Variants in CDH23 observed in about 807,000 individuals in gnomAD.
CDH23 encodes cadherin-23.
Under a neutral mutation model 317.1 loss-of-function variants are expected in CDH23, and 189 were observed. That is an observed-to-expected ratio of 0.60 (90% CI 0.53 to 0.67). The LOEUF (loss-of-function observed/expected upper bound fraction) is 0.67. Ranked by LOEUF, CDH23 falls within the 30% of genes least tolerant of loss-of-function variation. The pLI is 0.00. For missense variants in CDH23, 4,401 were observed against 4,592.4 expected, an observed-to-expected ratio of 0.96 and a Z score of 1.20; for synonymous variants, 1,839 against 1,876.8, an observed-to-expected ratio of 0.98 and a Z score of 0.52.
chr10:71,804,902 T>A (rs1841665896), intron 55 of CDH23, among the ~76,000 whole-genome samples: 1 of 152,232 alleles, frequency 6.6e-6, no homozygotes, highest in East Asian at 1.9e-4. Context: ...TAGTCCTTTT[T>A]CACACCAAAA....
At chr10:71,662,329 G>A (rs1306284958) in intron 14 of CDH23, among the ~76,000 whole-genome samples, 1 of 152,160 alleles carries the variant, frequency 6.6e-6, no homozygotes, top group Non-Finnish European at 1.5e-5. Context: ...CAGGCACCAA[G>A]TCACCTTGGA....
Position 71,785,111 on chromosome 10 carries a change from G to A in CDH23, c.5712+11G>A, listed in dbSNP as rs1396030339. 1.9e-6 allele frequency: 3 copies of A among 1,607,784 alleles called. No individual in the cohort carries two copies. The South Asian group carries it at 3.3e-5, about 18-fold the overall frequency. ...TTCATCAATGCCACGGTAGGGCCTA[G>A]ACTGACCCCAGGGAGCTTCCCAGGG... On this transcript the variant is annotated intron_variant, in intron 43 of 69. Transcript: ENST00000224721.
At chr10:71,536,157 G>T (rs1011431093) in intron 6 of CDH23, among the ~76,000 whole-genome samples, 1 of 152,272 alleles carries the variant, frequency 6.6e-6, no homozygotes, top group Non-Finnish European at 1.5e-5. Flanking sequence ...GTGTCATGGG[G>T]ACAAGGAGGC....
chr10:71,647,237 C>T (rs1277616621), intron 14 of CDH23: 4 of 308,750 alleles, frequency 1.3e-5, no homozygotes, highest in African/African-American at 2.3e-5. Flanking sequence ...CCGAGGTGGG[C>T]GGATCACTTG....
In CDH23 at chr10:71,572,892, GCAT is replaced by G. The variant is rs1274834279; in HGVS notation, c.753+1978_753+1980del. Among the ~76,000 whole-genome samples, 6 of 152,262 alleles carry G rather than the reference GCAT, an allele frequency of 3.9e-5. No homozygotes were observed. In the East Asian group the frequency reaches 9.7e-4, roughly 25 times the overall value. ...CTCATCCTTCCTTTGGGTCTCCAGG[GCAT>G]CATGCCCAGAGCTAAGTGCAGGGAA... is the stretch of plus-strand genomic sequence containing the variant. On this transcript the variant is annotated intron_variant, in intron 8 of 69. Coordinates refer to ENST00000224721, the MANE Select transcript of CDH23 (RefSeq NM_022124.6).
chr10:71,423,003 C>T lies in CDH23; in HGVS notation c.-5-16824C>T, dbSNP rs1435012522. Among the ~76,000 whole-genome samples, 7 of 152,254 alleles carry T rather than the reference C, an allele frequency of 4.6e-5. No individual in the cohort carries two copies. In the South Asian group the frequency reaches 1.5e-3, roughly 32 times the overall value. ...GGCCTCCCTCTTTCCCTCTCTCTCC[C>T]CTTCCATTTATGTTTTTATATTTAT... On this transcript the variant is annotated intron_variant, in intron 1 of 69. Coordinates refer to ENST00000224721, the MANE Select transcript of CDH23 (RefSeq NM_022124.6).
At chr10:71,478,932 G>T (rs1432031145) in intron 3 of CDH23, among the ~76,000 whole-genome samples, 5 of 152,148 alleles carry the variant, frequency 3.3e-5, no homozygotes, top group Admixed American at 6.5e-5. Flanking sequence ...TGGTTTATTT[G>T]TCCTGTTATT....
chr10:71,769,857 G>A (rs898924938), intron 38 of CDH23, among the ~76,000 whole-genome samples: 5 of 152,248 alleles, frequency 3.3e-5, no homozygotes, highest in African/African-American at 1.2e-4. Context: ...GCCAGCCAAA[G>A]TGAATGGACC....
Position 71,690,507 on chromosome 10 carries a change from G to A in CDH23, c.2099G>A (p.Arg700His), listed in dbSNP as rs1229721319. ...VLFLNATDLDRSREYGQESII... is the reference protein window; with the variant it reads ...VLFLNATDLDHSREYGQESII... ...TTCCTGAATGCCACAGACCTGGACC[G>A]CTCCCGGGAGTACGGCCAGGAGTCC... The change falls in exon 20 of 70, where the codon CGC (arginine) becomes CAC (histidine). Residue 700 changes from arginine to histidine, a missense_variant. By Grantham distance (29) the Arg-to-His change is conservative. This residue lies in a region of CDH23 where 3,068 missense variants were observed against 3,203.3 expected (regional missense o/e 0.96). Coordinates refer to ENST00000224721, the MANE Select transcript of CDH23 (RefSeq NM_022124.6). 7.4e-6 allele frequency: 12 copies of A among 1,610,806 alleles called. No individual in the cohort carries two copies. The highest frequency in any genetic ancestry group is 4.4e-5 in the South Asian group (4 of 90,136).
intron 3 of CDH23, among the ~76,000 whole-genome samples, chr10:71,460,039 G>T (rs1850900695): frequency 6.6e-6 from 1 of 152,218 alleles, no homozygotes; most frequent in South Asian, 2.1e-4. Context: ...CATGAAGGAG[G>T]TAGTTATGGA....
chr10:71,465,984 C>T (rs772676128), intron 3 of CDH23, among the ~76,000 whole-genome samples: 3 of 152,170 alleles, frequency 2.0e-5, no homozygotes, highest in Non-Finnish European at 4.4e-5. Context: ...AGAGCCTGTG[C>T]GTCACCCCGG....
At chr10:71,683,279 C>T (rs76589949) in intron 18 of CDH23, among the ~76,000 whole-genome samples, 9,036 of 152,270 alleles carry the variant, frequency 0.059, 398 homozygotes, top group Non-Finnish European at 0.092. Flanking sequence ...ACAGCGAACG[C>T]GTGTTGATCG....
At position 71,807,717 on chromosome 10, in the gene CDH23, A is replaced by C. The variant is rs1219073437; in HGVS notation, c.8510A>C (p.Glu2837Ala). ...LTLQEVRVVL[E>A]DINDQPPRFT... The stretch of plus-strand genomic sequence containing the variant: ...CTGCAGGAGGTGCGCGTTGTGCTAG[A>C]GGACATCAACGACCAGCCACCACGC... Residue 2837 changes from glutamate to alanine, a missense_variant, in exon 59 of 70, where the codon GAG (glutamate) becomes GCG (alanine). Coordinates refer to ENST00000224721, the MANE Select transcript of CDH23 (RefSeq NM_022124.6). 1 of 1,611,394 alleles carries C rather than the reference A, an allele frequency of 6.2e-7. No homozygotes were observed. The highest frequency in any genetic ancestry group is 8.5e-7 in the Non-Finnish European group (1 of 1,178,832).
chr10:71,564,501 C>T (rs958329450), intron 6 of CDH23, among the ~76,000 whole-genome samples: 3 of 152,246 alleles, frequency 2.0e-5, no homozygotes, highest in Non-Finnish European at 4.4e-5. Flanking sequence ...GACGTGGAGA[C>T]CATCACTTCT....
intron 28 of CDH23, 158 bp downstream of exon 28, chr10:71,712,971 C>G: frequency 1.1e-6 from 1 of 880,372 alleles, no homozygotes; most frequent in South Asian, 1.5e-5. Context: ...AAGGGGGACC[C>G]AGGCCCTCTC....
Position 71,397,262 on chromosome 10 carries a change from G to T in CDH23, c.-62G>T. On this transcript the variant is annotated 5_prime_UTR_variant, in exon 1 of 70. Coordinates refer to ENST00000224721, the MANE Select transcript of CDH23 (RefSeq NM_022124.6). The surrounding 1 kb of genome is among the most constrained non-coding windows in gnomAD (Gnocchi z 4.8). ...CAGGCGGCCCGCGGGGGCCGATCCG[G>T]CGGAGAGCAGAGCCCGAGGCGAGGC... 5.3e-6 allele frequency: 1 copy of T among 187,092 alleles called. No individual in the cohort carries two copies. Among genetic ancestry groups the T allele is most frequent in the Non-Finnish European group, 1.1e-5 (1 of 91,638 alleles). The allele number at this position is 187,092 out of a possible 1,614,324, so 11.6% of individuals were successfully genotyped here. A position where few individuals can be genotyped will look rare whatever the true frequency, so the allele number is the denominator to read the frequency against.
In CDH23 at chr10:71,807,409, G is replaced by A. The variant is rs779226072; in HGVS notation, c.8308+3G>A. The A allele has an allele frequency of 3.1e-6, 5 of 1,613,836 alleles. No homozygotes were observed. The highest frequency in any genetic ancestry group is 1.7e-4 in the Middle Eastern group (1 of 6,060). On this transcript the variant is annotated splice_donor_region_variant and intron_variant, in intron 58 of 69. Coordinates refer to ENST00000224721, the MANE Select transcript of CDH23 (RefSeq NM_022124.6). ...GATCGTGTACTACTTCATCGCAGGT[G>A]GGGCCAGACAGAGCTAGTGCCCTGA...
chr10:71,404,957 G>A (rs1163734113), intron 1 of CDH23, among the ~76,000 whole-genome samples: 4 of 152,188 alleles, frequency 2.6e-5, no homozygotes, highest in Non-Finnish European at 5.9e-5. Flanking sequence ...GGGAGCCAGC[G>A]AAAGCAAGGG....
At chr10:71,499,553 A>C (rs1302088914) in intron 3 of CDH23, among the ~76,000 whole-genome samples, 1 of 148,276 alleles carries the variant, frequency 6.7e-6, no homozygotes, top group African/African-American at 2.5e-5. Flanking sequence ...CAAGAGTGAA[A>C]TTCCAGCCAG....
Sources: allele counts gnomAD v4.1 joint callset (sites outside exome capture counted in the v4.1 genomes callset), GRCh38; gene constraint gnomAD v4.1.1; regional missense constraint gnomAD v4.1.1; non-coding constraint Gnocchi (gnomAD v3.1); transcripts MANE v1.5; gene names NCBI Gene and HGNC (gene_info 2026-07-23, HGNC 2026-07-21).